The following ITGAE variants were observed in gnomAD, a reference collection of about 807,000 sequenced individuals.
The protein encoded by ITGAE is integrin alpha-E.
ITGAE carries 99 observed loss-of-function variants against 136.5 expected under a neutral mutation model. The observed-to-expected ratio is 0.73, with a 90% confidence interval of 0.62 to 0.86. ITGAE has a LOEUF of 0.86. Among genes scored for constraint, ITGAE ranks in the 40% least tolerant of loss-of-function variants. The pLI, the probability that ITGAE is intolerant of heterozygous loss-of-function variation, is 0.00. For synonymous variants in ITGAE, 613 were observed against 591.8 expected (o/e 1.04, Z -0.52); for missense variants, 1,447 against 1,515.3 (o/e 0.95, Z 0.75).
intron 1 of ITGAE, among the ~76,000 whole-genome samples, chr17:3,794,733 GGTCA>G (rs1219158264): frequency 2.0e-5 from 3 of 152,154 alleles, no homozygotes; most frequent in Non-Finnish European, 2.9e-5. Context: ...TGTGCCTCCT[GGTCA>G]GTCACTCTGG....
intron 1 of ITGAE, among the ~76,000 whole-genome samples, chr17:3,788,963 A>G (rs1171540076): frequency 6.6e-6 from 1 of 151,872 alleles, no homozygotes; most frequent in Non-Finnish European, 1.5e-5. Context: ...AATAAAAACA[A>G]AAGAAATCAA....
chr17:3,779,064 A>AG (rs1447971806), intron 1 of ITGAE, among the ~76,000 whole-genome samples: 1 of 152,150 alleles, frequency 6.6e-6, no homozygotes, highest in Non-Finnish European at 1.5e-5. Context: ...TAAAAAAAAA[A>AG]AAATGCTTGA....
chr17:3,791,027 C>T (rs555775294), intron 1 of ITGAE, among the ~76,000 whole-genome samples: 10 of 151,494 alleles, frequency 6.6e-5, no homozygotes, highest in East Asian at 4.0e-4. Context: ...TGGTGGTGGG[C>T]GCCTCTAGTC....
intron 26 of ITGAE, chr17:3,725,026 A>G: frequency 6.2e-7 from 1 of 1,614,224 alleles, no homozygotes; most frequent in African/African-American, 1.3e-5. Context: ...AAGCTGGGAA[A>G]AGATTCGTTC....
intron 1 of ITGAE, among the ~76,000 whole-genome samples, chr17:3,782,438 GCTCA>G (rs1021079666): frequency 2.0e-5 from 3 of 149,876 alleles, no homozygotes; most frequent in Non-Finnish European, 3.0e-5. Context: ...TGCAATCTCA[GCTCA>G]CTGACACCTT....
rs749399369 is a variant in ITGAE at position 3,794,175 on chromosome 17, T to C, written c.34+6936A>G. On this transcript the variant is annotated intron_variant, in intron 1 of 30. Transcript: ENST00000263087. ...TGTATTTTTAGTAGAGACGGGGTTT[T>C]GCCATGTTGGTCAGGCTGGTCTTGA... Among the ~76,000 whole-genome samples, 4 of 152,026 alleles carry C rather than the reference T, an allele frequency of 2.6e-5. 1 individual carries two copies. The highest frequency in any genetic ancestry group is 4.4e-5 in the Non-Finnish European group (3 of 67,952).
chr17:3,745,585 C>A lies in ITGAE; in HGVS notation c.2319+179G>T, dbSNP rs527442583. On this transcript the variant is annotated intron_variant, in intron 18 of 30. Coordinates refer to ENST00000263087, the MANE Select transcript of ITGAE (RefSeq NM_002208.5). ...TCGAACTCCTGACCTCAAGTGATCCCCCCGCCTTGGCCTCCCAAAGTGCTG... is the reference window on the plus strand; with the variant it reads ...TCGAACTCCTGACCTCAAGTGATCCACCCGCCTTGGCCTCCCAAAGTGCTG... Among the ~76,000 whole-genome samples the A allele has an allele frequency of 3.8e-3, 575 of 152,246 alleles. 4 individuals carry two copies. The highest frequency in any genetic ancestry group is 0.013 in the African/African-American group (538 of 41,536).
Position 3,733,855 on chromosome 17 carries a change from G to T in ITGAE, c.2655+962C>A, listed in dbSNP as rs931799540. On this transcript the variant is annotated intron_variant, in intron 21 of 30. Coordinates refer to ENST00000263087, the MANE Select transcript of ITGAE (RefSeq NM_002208.5). The stretch of plus-strand genomic sequence containing the variant: ...GTAAAGCAGGGCTGAGTGTCAAGGA[G>T]TCAGTCACCAGCAGGCCAGCCTGTG... 2.0e-4 allele frequency among the ~76,000 whole-genome samples: 31 copies of T among 152,314 alleles called. No homozygotes were observed. The East Asian group carries it at 6.0e-3, about 29-fold the overall frequency.
chr17:3,752,585 A>C (rs113832307), intron 14 of ITGAE, among the ~76,000 whole-genome samples: 10,713 of 151,272 alleles, frequency 0.071, 539 homozygotes, highest in Middle Eastern at 0.17. Flanking sequence ...GCGGAACCCC[A>C]TCTCTACTAA....
rs751706038 is a variant in ITGAE, at chr17:3,729,572, T to G, written c.2835-17A>C. ...TCATTGGAACTAGGAATAAGAGTGT[T>G]AGTTCATAGCACACCTGCTTTGTAC... is the stretch of plus-strand genomic sequence containing the variant. On this transcript the variant is annotated splice_polypyrimidine_tract_variant and intron_variant, in intron 23 of 30. Transcript: ENST00000263087. The G allele has an allele frequency of 8.8e-6, 13 of 1,474,582 alleles. No individual in the cohort carries two copies. The highest frequency in any genetic ancestry group is 1.2e-5 in the Non-Finnish European group (13 of 1,052,564). 91.3% of individuals were successfully genotyped at this position (1,474,582 alleles called of 1,614,324 possible). A position where few individuals can be genotyped will look rare whatever the true frequency, so the allele number is the denominator to read the frequency against.
At chr17:3,723,405 A>T in intron 27 of ITGAE, 22 bp from the exon 28 acceptor site, 4 of 1,527,868 alleles carry the variant, frequency 2.6e-6, no homozygotes, top group Non-Finnish European at 3.6e-6. Flanking sequence ...AGGTCTAGTG[A>T]ACACAATTCC....
chr17:3,759,261 C>T, intron 8 of ITGAE, 141 bp downstream of exon 8: 1 of 906,098 alleles, frequency 1.1e-6, no homozygotes. Context: ...GAGGTGTCAT[C>T]CCTCACGTTC....
chr17:3,784,458 A>G (rs2052738518), intron 1 of ITGAE: 3 of 169,722 alleles, frequency 1.8e-5, no homozygotes, highest in Non-Finnish European at 3.8e-5. Flanking sequence ...GCAGTGGTGC[A>G]ATCTTGGCTG....
At chr17:3,747,805 G>A (rs1005144202) in intron 17 of ITGAE, 117 bp downstream of exon 17, 4 of 720,792 alleles carry the variant, frequency 5.5e-6, no homozygotes, top group Non-Finnish European at 6.5e-6. Flanking sequence ...TCAAGCACCA[G>A]GACCTCAGAC....
At chr17:3,717,843 G>A (rs1246510431) in intron 29 of ITGAE, 2 of 151,020 alleles carry the variant, frequency 1.3e-5, no homozygotes, top group African/African-American at 5.0e-5. Flanking sequence ...AACAAAGAGG[G>A]AGGAAGAACA....
chr17:3,755,193 G>T lies in ITGAE; in HGVS notation c.1308C>A (p.Arg436=). ...GGTTCAGGAAGCGGCCCCGGCGGCT[G>T]CGTGTGTCGTAGAGCAACGCCCCTC... ...WSGGALLYDT[R]SRRGRFLNQT... is the part of the protein sequence containing the mutation. The change falls in exon 12 of 31, where the codon CGC becomes CGA. Residue 436 remains arginine, a synonymous_variant. Coordinates refer to ENST00000263087, the MANE Select transcript of ITGAE (RefSeq NM_002208.5). 6.3e-7 allele frequency: 1 copy of T among 1,579,794 alleles called. No individual in the cohort carries two copies. Among genetic ancestry groups the T allele is most frequent in the Non-Finnish European group, 8.6e-7 (1 of 1,168,554 alleles).
At chr17:3,761,227 G>GC in intron 5 of ITGAE, 50 bp from the exon 6 acceptor site, 1 of 1,588,590 alleles carries the variant, frequency 6.3e-7, no homozygotes, top group South Asian at 1.1e-5. Flanking sequence ...CTCCATCCTC[G>GC]CCTGAGCACG....
Position 3,779,047 on chromosome 17 carries a change from C to T in ITGAE, c.35-1387G>A, listed in dbSNP as rs532436506. On this transcript the variant is annotated intron_variant, in intron 1 of 30. Coordinates refer to ENST00000263087, the MANE Select transcript of ITGAE (RefSeq NM_002208.5). ...GAGGTTCTAGAACCAGCAAAACTAA[C>T]CTATAGTAAAAAAAAAAAAATGCTT... Among the ~76,000 whole-genome samples the T allele has an allele frequency of 1.1e-4, 16 of 145,872 alleles. No individual in the cohort carries two copies. The Admixed American group carries it at 1.1e-3, about 10-fold the overall frequency.
At chr17:3,728,065 T>C in intron 25 of ITGAE, 39 bp from the exon 26 acceptor site, 1 of 1,594,362 alleles carries the variant, frequency 6.3e-7, no homozygotes, top group Non-Finnish European at 8.6e-7. Flanking sequence ...AAAGCTGGTA[T>C]TGCTTTGCCA....
Sources: gnomAD v4.1 joint callset for allele counts (sites outside exome capture counted in the v4.1 genomes callset) on GRCh38, gnomAD v4.1.1 for gene constraint, MANE v1.5 for transcripts, NCBI Gene and HGNC (gene_info 2026-07-23, HGNC 2026-07-21) for gene names.